Variants in SLIT2 observed in about 807,000 individuals in gnomAD.
SLIT2 encodes the protein slit guidance ligand 2, also known as slit homolog 2 protein.
SLIT2 carries 41 observed loss-of-function variants against 185.7 expected under a neutral mutation model. The observed-to-expected ratio is 0.22, with a 90% CI of 0.17 to 0.29. The LOEUF is 0.29. Ranked by LOEUF, SLIT2 falls within the 10% of genes least tolerant of loss-of-function variation. The pLI, the probability that SLIT2 is intolerant of heterozygous loss-of-function variation, is 1.00. For missense variants in SLIT2, 1,571 were observed against 1,909.0 expected (o/e 0.82, Z 3.30); for synonymous variants, 693 against 680.2 (o/e 1.02, Z -0.29).
At chr4:20,585,653 T>C (rs2148941988) in intron 29 of SLIT2, among the ~76,000 whole-genome samples, 1 of 152,326 alleles carries the variant, frequency 6.6e-6, no homozygotes, top group South Asian at 2.1e-4. Context: ...TATTAAGACC[T>C]GCTTATAGGG....
At chr4:20,282,997 T>C (rs2109060399) in intron 4 of SLIT2, among the ~76,000 whole-genome samples, 1 of 152,310 alleles carries the variant, frequency 6.6e-6, no homozygotes. Context: ...CGGCATTCTG[T>C]TGTAGCCTTG....
At chr4:20,340,281 A>G (rs1295322247) in intron 4 of SLIT2, among the ~76,000 whole-genome samples, 3 of 152,070 alleles carry the variant, frequency 2.0e-5, no homozygotes, top group Non-Finnish European at 2.9e-5. Context: ...CTTCTGTACT[A>G]CCTTCTTTAT....
chr4:20,396,864 T>C (rs1313298103), intron 4 of SLIT2, among the ~76,000 whole-genome samples: 1 of 148,260 alleles, frequency 6.7e-6, no homozygotes, highest in African/African-American at 2.4e-5. Context: ...ATATACATAT[T>C]AAATATACAC....
intron 4 of SLIT2, among the ~76,000 whole-genome samples, chr4:20,332,750 G>C (rs1560325544): frequency 6.6e-6 from 1 of 151,988 alleles, no homozygotes; most frequent in Non-Finnish European, 1.5e-5. Context: ...ATTATCCTCA[G>C]ATTGTTGCAT....
At chr4:20,456,022 A>T (rs1290528501) in intron 4 of SLIT2, among the ~76,000 whole-genome samples, 2 of 152,166 alleles carry the variant, frequency 1.3e-5, no homozygotes, top group Non-Finnish European at 2.9e-5. Context: ...TTTATAGACC[A>T]CTTTTACAAA....
chr4:20,412,234 T>C (rs1026074532), intron 4 of SLIT2, among the ~76,000 whole-genome samples: 1 of 152,160 alleles, frequency 6.6e-6, no homozygotes, highest in Non-Finnish European at 1.5e-5. Context: ...ACGTTCTTGA[T>C]TTTTCAATGT....
At position 20,252,193 on chromosome 4, in the gene SLIT2, G is replaced by T. The variant is rs1256225398; in HGVS notation, c.-1623G>T. ...GTTTGGCTACGCTGAGCGCCAGTCA[G>T]CCCCAGCGAACAACTCCAGTTACGA... On this transcript the variant is annotated 5_prime_UTR_variant, in exon 1 of 37. Coordinates refer to ENST00000504154, the MANE Select transcript of SLIT2 (RefSeq NM_004787.4). 2.0e-5 allele frequency among the ~76,000 whole-genome samples: 3 copies of T among 151,972 alleles called. No individual in the cohort carries two copies. The highest frequency in any genetic ancestry group is 4.4e-5 in the Non-Finnish European group (3 of 67,964).
chr4:20,525,706 T>G (rs1216305254), intron 15 of SLIT2, among the ~76,000 whole-genome samples: 1 of 152,126 alleles, frequency 6.6e-6, no homozygotes, highest in Admixed American at 6.5e-5. Flanking sequence ...AAACAGCAAC[T>G]CCCTGCTGAA....
intron 9 of SLIT2, among the ~76,000 whole-genome samples, chr4:20,504,669 A>G (rs543490921): frequency 1.3e-5 from 2 of 152,188 alleles, no homozygotes; most frequent in Admixed American, 6.5e-5. Flanking sequence ...ATATATATTT[A>G]TTTCACACTA....
intron 17 of SLIT2, among the ~76,000 whole-genome samples, chr4:20,532,595 T>C (rs1035502366): frequency 5.3e-5 from 8 of 152,158 alleles, no homozygotes; most frequent in Admixed American, 1.3e-4. Context: ...TGGGGAGGTG[T>C]GACGGGGAGA....
At chr4:20,610,851 G>GAGTGAA in intron 34 of SLIT2, among the ~76,000 whole-genome samples, 1 of 152,262 alleles carries the variant, frequency 6.6e-6, no homozygotes, top group Non-Finnish European at 1.5e-5. Context: ...TGAAGACCCT[G>GAGTGAA]GGCTTTATTT....
intron 29 of SLIT2, among the ~76,000 whole-genome samples, chr4:20,580,391 AGT>A (rs1577964344): frequency 3.0e-5 from 2 of 67,054 alleles, no homozygotes; most frequent in African/African-American, 1.9e-4. Flanking sequence ...ACTTAATGAT[AGT>A]ATATATATAT....
intron 4 of SLIT2, among the ~76,000 whole-genome samples, chr4:20,388,719 A>C (rs1294618685): frequency 6.6e-6 from 1 of 150,470 alleles, no homozygotes; most frequent in East Asian, 1.9e-4. Flanking sequence ...GGTTGCACTG[A>C]GTGGAGATCA....
chr4:20,310,738 T>C (rs1165767811), intron 4 of SLIT2, among the ~76,000 whole-genome samples: 1 of 152,224 alleles, frequency 6.6e-6, no homozygotes, highest in African/African-American at 2.4e-5. Flanking sequence ...GGTCTCATTC[T>C]GTAACTGAAT....
chr4:20,588,175 C>A (rs1411458933), intron 29 of SLIT2, among the ~76,000 whole-genome samples: 1 of 152,122 alleles, frequency 6.6e-6, no homozygotes, highest in Non-Finnish European at 1.5e-5. Context: ...TGCTAAAAAT[C>A]TTTTGTATCC....
rs1203666010 is a variant in SLIT2 at position 20,253,483 on chromosome 4, C to T, written c.-333C>T. 2.9e-6 allele frequency: 1 copy of T among 339,204 alleles called. No individual in the cohort carries two copies. The allele number at this position is 339,204 out of a possible 1,614,324, so 21.0% of individuals were successfully genotyped here. A position where few individuals can be genotyped will look rare whatever the true frequency, so the allele number is the denominator to read the frequency against. On this transcript the variant is annotated 5_prime_UTR_variant, in exon 1 of 37. Transcript: ENST00000504154. ...CCGTTGGAAGCCCCAGCTCTTTTAC[C>T]GCCAAGTTCATCCTTGGGAGACAGA...
chr4:20,519,908 C>T (rs907019247), intron 12 of SLIT2, among the ~76,000 whole-genome samples: 1 of 151,630 alleles, frequency 6.6e-6, no homozygotes, highest in Non-Finnish European at 1.5e-5. Flanking sequence ...GTGGTGGGCC[C>T]CTGTAGTCCC....
chr4:20,482,075 G>C (rs747406437), intron 6 of SLIT2, among the ~76,000 whole-genome samples: 1 of 151,862 alleles, frequency 6.6e-6, no homozygotes, highest in Non-Finnish European at 1.5e-5. Context: ...ACTCACTGAT[G>C]GTATCTCAGA....
chr4:20,555,191 C>T (rs1311437921), intron 26 of SLIT2, among the ~76,000 whole-genome samples: 1 of 152,054 alleles, frequency 6.6e-6, no homozygotes, highest in Non-Finnish European at 1.5e-5. Context: ...AAACTCAATC[C>T]TAGGTGTTAT....
Sources: gnomAD v4.1 joint callset for allele counts (sites outside exome capture counted in the v4.1 genomes callset) on GRCh38, gnomAD v4.1.1 for gene constraint, MANE v1.5 for transcripts, NCBI Gene and HGNC (gene_info 2026-07-23, HGNC 2026-07-21) for gene names.